The following IMMP2L variants were observed in gnomAD, a reference collection of about 807,000 sequenced individuals.
The protein encoded by IMMP2L is inner mitochondrial membrane peptidase subunit 2, also known as mitochondrial inner membrane protease subunit 2.
Under a neutral mutation model 19.3 loss-of-function variants are expected in IMMP2L, and 18 were observed. The observed-to-expected ratio is 0.93, with a 90% confidence interval of 0.64 to 1.38. The LOEUF (loss-of-function observed/expected upper bound fraction) is 1.38, where lower values mean the gene tolerates loss of function less well. IMMP2L is among the 40% of genes most tolerant of loss of function. The pLI, the probability that IMMP2L is intolerant of heterozygous loss-of-function variation, is 0.00. For synonymous variants in IMMP2L, 76 were observed against 73.0 expected, an observed-to-expected ratio of 1.04 and a Z score of -0.21; for missense variants, 233 against 218.2, an observed-to-expected ratio of 1.07 and a Z score of -0.43.
At chr7:111,410,772 C>T (rs1025003412) in intron 3 of IMMP2L, among the ~76,000 whole-genome samples, 3 of 151,238 alleles carry the variant, frequency 2.0e-5, no homozygotes, top group South Asian at 2.1e-4. Context: ...ATTTTTGATA[C>T]GAAAATGTTG....
chr7:110,780,109 G>T (rs1174396098), intron 5 of IMMP2L, among the ~76,000 whole-genome samples: 1 of 151,246 alleles, frequency 6.6e-6, no homozygotes. Context: ...TATGTGGCTC[G>T]CTTAGGTAAG....
chr7:110,927,584 T>A (rs1159084607), intron 4 of IMMP2L, among the ~76,000 whole-genome samples: 4 of 151,952 alleles, frequency 2.6e-5, no homozygotes, highest in Non-Finnish European at 5.9e-5. Context: ...TGGTTTTATA[T>A]ATGGAGGAAA....
At chr7:110,745,830 G>A (rs1797302560) in intron 5 of IMMP2L, among the ~76,000 whole-genome samples, 3 of 152,296 alleles carry the variant, frequency 2.0e-5, no homozygotes, top group South Asian at 2.1e-4. Flanking sequence ...ACACTATGAA[G>A]AAACTGCATA....
At chr7:110,784,170 G>A (rs529287609) in intron 5 of IMMP2L, among the ~76,000 whole-genome samples, 77 of 151,760 alleles carry the variant, frequency 5.1e-4, no homozygotes, top group Middle Eastern at 6.8e-3. Flanking sequence ...CCTAACCTCC[G>A]TCAGTGTTAC....
At chr7:110,909,022 A>G (rs1413260440) in intron 4 of IMMP2L, among the ~76,000 whole-genome samples, 2 of 152,198 alleles carry the variant, frequency 1.3e-5, no homozygotes, top group African/African-American at 4.8e-5. Context: ...TACTTACAAT[A>G]GGGGAATATG....
chr7:111,507,733 A>T (rs1230817118), intron 2 of IMMP2L, among the ~76,000 whole-genome samples: 1 of 152,160 alleles, frequency 6.6e-6, no homozygotes, highest in Non-Finnish European at 1.5e-5. Context: ...CTATATGTCT[A>T]AAAAGAACAA....
chr7:111,541,765 A>T (rs577220419), intron 1 of IMMP2L, among the ~76,000 whole-genome samples: 3 of 152,128 alleles, frequency 2.0e-5, no homozygotes, highest in African/African-American at 7.2e-5. Flanking sequence ...ATTTAAATTA[A>T]TATCTACCAG....
At chr7:111,094,313 G>A (rs1797177903) in intron 3 of IMMP2L, among the ~76,000 whole-genome samples, 1 of 152,088 alleles carries the variant, frequency 6.6e-6, no homozygotes, top group Non-Finnish European at 1.5e-5. Flanking sequence ...CAGAGGTGAG[G>A]TATCTGTTGG....
At chr7:111,139,194 G>A (rs566191439) in intron 3 of IMMP2L, among the ~76,000 whole-genome samples, 86 of 151,830 alleles carry the variant, frequency 5.7e-4, no homozygotes, top group Admixed American at 4.4e-3. Context: ...TTTTGGAACG[G>A]AGCTAACAAA....
At chr7:111,261,556 G>A (rs543260574) in intron 3 of IMMP2L, among the ~76,000 whole-genome samples, 1 of 151,874 alleles carries the variant, frequency 6.6e-6, no homozygotes, top group Non-Finnish European at 1.5e-5. Context: ...CAGGAAGGCT[G>A]GTGTCTAGTG....
chr7:111,504,377 G>A (rs1010452529), intron 2 of IMMP2L, among the ~76,000 whole-genome samples: 9 of 152,112 alleles, frequency 5.9e-5, no homozygotes, highest in East Asian at 1.9e-4. Flanking sequence ...AATCAATATC[G>A]TGAAAATGGC....
chr7:110,664,416 A>T lies in IMMP2L; in HGVS notation c.409-695T>A, dbSNP rs367848634. Among the ~76,000 whole-genome samples, 8 of 152,200 alleles carry T rather than the reference A, an allele frequency of 5.3e-5. No homozygotes were observed. In the East Asian group the frequency reaches 9.7e-4, roughly 18 times the overall value. Reference sequence around the variant, plus strand: ...CAAGGTGGGATGGGTAGCAAGGAAAAATAATAAAGTATACAGATCATGGCA... The same window carrying T: ...CAAGGTGGGATGGGTAGCAAGGAAATATAATAAAGTATACAGATCATGGCA... On this transcript the variant is annotated intron_variant, in intron 5 of 5. Coordinates refer to ENST00000405709, the MANE Select transcript of IMMP2L (RefSeq NM_032549.4).
chr7:111,293,176 A>G (rs997110026), intron 3 of IMMP2L, among the ~76,000 whole-genome samples: 1 of 151,974 alleles, frequency 6.6e-6, no homozygotes, highest in African/African-American at 2.4e-5. Context: ...CTCTTTCCCC[A>G]GTGTATTGAT....
intron 3 of IMMP2L, among the ~76,000 whole-genome samples, chr7:111,229,340 G>A (rs1369134109): frequency 6.6e-6 from 1 of 151,954 alleles, no homozygotes; most frequent in South Asian, 2.1e-4. Context: ...TGATACGTAT[G>A]TATCCATTGA....
chr7:111,022,597 G>A (rs1826398664), intron 3 of IMMP2L, among the ~76,000 whole-genome samples: 1 of 152,172 alleles, frequency 6.6e-6, no homozygotes, highest in African/African-American at 2.4e-5. Flanking sequence ...ATGGACATGT[G>A]TAATACCCCT....
At chr7:110,746,655 G>A (rs1023451475) in intron 5 of IMMP2L, among the ~76,000 whole-genome samples, 13 of 152,262 alleles carry the variant, frequency 8.5e-5, no homozygotes, top group African/African-American at 2.6e-4. Context: ...AATGACTACT[G>A]GGTACATAAC....
intron 5 of IMMP2L, among the ~76,000 whole-genome samples, chr7:110,772,603 C>T (rs1397511976): frequency 2.6e-5 from 4 of 152,124 alleles, no homozygotes; most frequent in Admixed American, 6.6e-5. Flanking sequence ...GGGAATGATG[C>T]TTCTCTAACA....
At chr7:111,327,264 T>C (rs1825419191) in intron 3 of IMMP2L, among the ~76,000 whole-genome samples, 1 of 151,804 alleles carries the variant, frequency 6.6e-6, no homozygotes, top group South Asian at 2.1e-4. Context: ...GCTGTCCAAC[T>C]GGTATAAAGT....
At chr7:111,057,467 T>C (rs1443765236) in intron 3 of IMMP2L, among the ~76,000 whole-genome samples, 1 of 152,228 alleles carries the variant, frequency 6.6e-6, no homozygotes, top group Non-Finnish European at 1.5e-5. Flanking sequence ...ATGTAAGAAT[T>C]TTTTAAAATA....
Sources: gnomAD v4.1 joint callset for allele counts (sites outside exome capture counted in the v4.1 genomes callset) on GRCh38, gnomAD v4.1.1 for gene constraint, MANE v1.5 for transcripts, NCBI Gene and HGNC (gene_info 2026-07-23, HGNC 2026-07-21) for gene names.